DCDC1: variants seen among roughly 807,000 people sequenced by gnomAD.
The protein encoded by DCDC1 is doublecortin domain-containing protein 1.
DCDC1 carries 200 observed loss-of-function variants against 178.3 expected under a neutral mutation model. That is an observed-to-expected ratio of 1.12 (90% confidence interval 1.00 to 1.26). The LOEUF (loss-of-function observed/expected upper bound fraction) is 1.26, where lower values mean the gene tolerates loss of function less well. Ranked by LOEUF, DCDC1 falls within the 50% of genes most tolerant of loss-of-function variation. The probability of loss-of-function intolerance (pLI) is 0.00; values close to 1 mark genes in which losing one functional copy is unlikely to be tolerated. For missense variants in DCDC1, 1,983 were observed against 1,749.2 expected (o/e 1.13, Z -2.38); for synonymous variants, 690 against 604.8 (o/e 1.14, Z -2.07).
At chr11:31,362,245 C>T (rs1178281155) in intron 1 of DCDC1, among the ~76,000 whole-genome samples, 2 of 152,068 alleles carry the variant, frequency 1.3e-5, no homozygotes, top group African/African-American at 4.8e-5. Context: ...AAGAAAACTT[C>T]AGTTGTCCCA....
At chr11:31,222,213 C>T (rs932747668) in intron 9 of DCDC1, among the ~76,000 whole-genome samples, 1 of 152,052 alleles carries the variant, frequency 6.6e-6, no homozygotes, top group African/African-American at 2.4e-5. Flanking sequence ...CAGGCATGCA[C>T]CACCAGGTCC....
At chr11:31,227,940 A>G (rs1213739692) in intron 9 of DCDC1, among the ~76,000 whole-genome samples, 1 of 152,070 alleles carries the variant, frequency 6.6e-6, no homozygotes, top group African/African-American at 2.4e-5. Context: ...TTTTAAGTTA[A>G]TTTATCAATA....
chr11:30,947,982 G>C (rs570832059), intron 21 of DCDC1, among the ~76,000 whole-genome samples: 1 of 152,218 alleles, frequency 6.6e-6, no homozygotes, highest in African/African-American at 2.4e-5. Flanking sequence ...ATTCAACATA[G>C]TATTGGAAGT....
intron 9 of DCDC1, among the ~76,000 whole-genome samples, chr11:31,184,549 G>T (rs1043375947): frequency 1.3e-5 from 2 of 151,592 alleles, no homozygotes; most frequent in Non-Finnish European, 2.9e-5. Context: ...TCTGACAAAG[G>T]GCTAATATCC....
intron 17 of DCDC1, among the ~76,000 whole-genome samples, chr11:31,078,639 G>T (rs1956998980): frequency 6.6e-6 from 1 of 152,116 alleles, no homozygotes; most frequent in South Asian, 2.1e-4. Context: ...TGTGATCTGG[G>T]CAGAGTATGT....
chr11:30,971,208 C>T (rs1333424623), intron 20 of DCDC1, among the ~76,000 whole-genome samples: 2 of 152,052 alleles, frequency 1.3e-5, no homozygotes, highest in South Asian at 2.1e-4. Flanking sequence ...ACTATTATGC[C>T]AGATATGCAG....
At chr11:31,257,054 A>G (rs1944453452) in intron 8 of DCDC1, among the ~76,000 whole-genome samples, 1 of 152,204 alleles carries the variant, frequency 6.6e-6, no homozygotes, top group African/African-American at 2.4e-5. Flanking sequence ...AAGGTGGAAC[A>G]ATATTTGCTG....
Position 30,954,201 on chromosome 11 carries a change from G to A in DCDC1, c.2592-1633C>T, listed in dbSNP as rs1948624319. Among the ~76,000 whole-genome samples, 4 of 151,602 alleles carry A rather than the reference G, an allele frequency of 2.6e-5. No individual in the cohort carries two copies. The South Asian group carries it at 8.3e-4, about 32-fold the overall frequency. On this transcript the variant is annotated intron_variant, in intron 20 of 38. Transcript: ENST00000684477. The stretch of plus-strand genomic sequence containing the variant: ...CGGCTATTTTTTTGTATTTTTAGTA[G>A]AGACGGGGTTTCACCGTGTTATCCA...
chr11:31,155,429 C>T (rs1162433625), intron 9 of DCDC1, among the ~76,000 whole-genome samples: 2 of 152,218 alleles, frequency 1.3e-5, no homozygotes, highest in Non-Finnish European at 2.9e-5. Flanking sequence ...TGTCCCAAAA[C>T]ATGACCCATT....
rs375760125 is a variant in DCDC1, at chr11:31,219,855, C to T, written c.1221+21595G>A. The stretch of plus-strand genomic sequence containing the variant: ...TTACAGGTATAATCTCACAACAATC[C>T]TATTATTAACCTCATTTTACAGATA... On this transcript the variant is annotated intron_variant, in intron 9 of 38. Coordinates refer to ENST00000684477, the MANE Select transcript of DCDC1 (RefSeq NM_001387274.1). Among the ~76,000 whole-genome samples the T allele has an allele frequency of 2.0e-5, 3 of 151,934 alleles. No homozygotes were observed. In the East Asian group the frequency reaches 5.8e-4, roughly 29 times the overall value.
chr11:30,948,752 G>A (rs1359751492), intron 21 of DCDC1, among the ~76,000 whole-genome samples: 2 of 152,090 alleles, frequency 1.3e-5, no homozygotes, highest in East Asian at 1.9e-4. Flanking sequence ...TAAGCAACAG[G>A]GAAAGGATTC....
At chr11:30,935,064 T>C (rs2134341967) in intron 21 of DCDC1, among the ~76,000 whole-genome samples, 1 of 152,254 alleles carries the variant, frequency 6.6e-6, no homozygotes, top group East Asian at 1.9e-4. Context: ...GATGCTACTT[T>C]TGGTTTTTGG....
At chr11:30,910,709 T>A (rs1372659100) in intron 28 of DCDC1, among the ~76,000 whole-genome samples, 3 of 151,966 alleles carry the variant, frequency 2.0e-5, no homozygotes. Context: ...CATGTGAGAA[T>A]GACAGAAAAA....
intron 3 of DCDC1, among the ~76,000 whole-genome samples, chr11:31,310,626 T>A (rs1948719073): frequency 6.6e-6 from 1 of 152,042 alleles, no homozygotes; most frequent in Non-Finnish European, 1.5e-5. Context: ...TCTTACACAC[T>A]CTCAAACTCA....
chr11:31,097,673 T>G (rs1212383754), intron 15 of DCDC1, among the ~76,000 whole-genome samples: 1 of 152,194 alleles, frequency 6.6e-6, no homozygotes, highest in African/African-American at 2.4e-5. Flanking sequence ...AAGATCTAAC[T>G]GGTCTGAATA....
chr11:31,244,480 T>C (rs1302551043), intron 8 of DCDC1, among the ~76,000 whole-genome samples: 1 of 151,752 alleles, frequency 6.6e-6, no homozygotes, highest in Non-Finnish European at 1.5e-5. Context: ...TTCAAACTAC[T>C]ATGTAGAAAT....
intron 8 of DCDC1, among the ~76,000 whole-genome samples, chr11:31,250,574 T>C (rs1943953994): frequency 6.6e-6 from 1 of 151,078 alleles, no homozygotes; most frequent in South Asian, 2.1e-4. Context: ...GCAATGCTGT[T>C]CCTGGAGCCT....
chr11:31,335,145 G>A (rs1591794056), intron 2 of DCDC1, among the ~76,000 whole-genome samples: 2 of 152,286 alleles, frequency 1.3e-5, no homozygotes, highest in South Asian at 4.1e-4. Context: ...CTGCCTTGCA[G>A]GTCGATCTCA....
At chr11:31,314,971 G>A (rs1948984696) in intron 3 of DCDC1, among the ~76,000 whole-genome samples, 2 of 151,900 alleles carry the variant, frequency 1.3e-5, no homozygotes, top group South Asian at 2.1e-4. Context: ...TACAATTTTT[G>A]CTTCACAAAG....
Sources: gnomAD v4.1 joint callset for allele counts (sites outside exome capture counted in the v4.1 genomes callset) on GRCh38, gnomAD v4.1.1 for gene constraint, MANE v1.5 for transcripts, NCBI Gene and HGNC (gene_info 2026-07-23, HGNC 2026-07-21) for gene names.